Variants in ELF2 observed in about 807,000 individuals in gnomAD.
The protein encoded by ELF2 is E74 like ETS transcription factor 2.
In ELF2, 11 loss-of-function variants were observed where a neutral mutation model predicts 54.8. That is an observed-to-expected ratio of 0.20 (90% CI 0.13 to 0.33). The LOEUF (loss-of-function observed/expected upper bound fraction) is 0.33. ELF2 is among the 10% of genes least tolerant of loss of function. The probability of loss-of-function intolerance (pLI) is 1.00; values close to 1 mark genes in which losing one functional copy is unlikely to be tolerated. For synonymous variants in ELF2, 203 were observed against 245.1 expected (o/e 0.83, Z 1.61); for missense variants, 513 against 703.0 (o/e 0.73, Z 3.06).
At chr4:139,072,172 G>A in intron 5 of ELF2, 133 bp from the exon 6 acceptor site, 1 of 799,730 alleles carries the variant, frequency 1.3e-6, no homozygotes, top group Admixed American at 3.4e-5. Context: ...TACTGAAGAA[G>A]TTAATTTGCT....
chr4:139,176,368 C>T (rs1451035801), intron 1 of ELF2, among the ~76,000 whole-genome samples: 2 of 150,220 alleles, frequency 1.3e-5, no homozygotes, highest in East Asian at 3.9e-4. Context: ...GGCGATAAGG[C>T]ACGACAGGGA....
chr4:139,171,726 C>A (rs1036754600), intron 1 of ELF2, among the ~76,000 whole-genome samples: 1 of 152,082 alleles, frequency 6.6e-6, no homozygotes, highest in African/African-American at 2.4e-5. Flanking sequence ...GATTCGAGAC[C>A]AGCCTGGGCA....
intron 4 of ELF2, among the ~76,000 whole-genome samples, chr4:139,099,619 T>C (rs1733662715): frequency 1.3e-5 from 2 of 152,272 alleles, no homozygotes; most frequent in South Asian, 2.1e-4. Context: ...TTGGATACCT[T>C]AGTCTGAATT....
chr4:139,118,531 C>G lies in ELF2; in HGVS notation c.238+6633G>C, dbSNP rs1735983152. ...GCAGCCAGATTATGAAGGATTACTT[C>G]TGGATGATTCTATGGGTCACTGAAT... is the stretch of plus-strand genomic sequence containing the variant. On this transcript the variant is annotated intron_variant, in intron 4 of 9. Transcript: ENST00000686138. Among the ~76,000 whole-genome samples the G allele has an allele frequency of 2.0e-5, 3 of 152,120 alleles. No individual in the cohort carries two copies. The South Asian group carries it at 6.2e-4, about 32-fold the overall frequency.
intron 1 of ELF2, among the ~76,000 whole-genome samples, chr4:139,146,197 G>T (rs1253150391): frequency 1.3e-5 from 2 of 152,154 alleles, no homozygotes; most frequent in Non-Finnish European, 2.9e-5. Flanking sequence ...CAAAGTCAAT[G>T]AACACAAATC....
chr4:139,090,361 G>A (rs1380490075), intron 4 of ELF2, among the ~76,000 whole-genome samples: 1 of 152,088 alleles, frequency 6.6e-6, no homozygotes, highest in East Asian at 1.9e-4. Flanking sequence ...TCTGCCATGT[G>A]TTGAGTAACA....
chr4:139,127,697 G>A (rs1015688063), intron 3 of ELF2, among the ~76,000 whole-genome samples: 1 of 152,056 alleles, frequency 6.6e-6, no homozygotes, highest in Non-Finnish European at 1.5e-5. Flanking sequence ...AAAATTCAGG[G>A]TTCATGCCTG....
chr4:139,105,888 C>T (rs747371266), intron 4 of ELF2, among the ~76,000 whole-genome samples: 7 of 152,116 alleles, frequency 4.6e-5, no homozygotes, highest in Non-Finnish European at 1.5e-5. Flanking sequence ...TAAAACCCTG[C>T]CTCAAAATAA....
intron 3 of ELF2, among the ~76,000 whole-genome samples, 156 bp from the exon 4 acceptor site, chr4:139,125,485 G>A (rs1332281561): frequency 6.6e-6 from 1 of 152,076 alleles, no homozygotes; most frequent in African/African-American, 2.4e-5. Flanking sequence ...GATGAAAAGG[G>A]CTAACTTTAA....
intron 1 of ELF2, among the ~76,000 whole-genome samples, chr4:139,170,805 T>C (rs980187935): frequency 6.6e-6 from 1 of 151,144 alleles, no homozygotes; most frequent in Non-Finnish European, 1.5e-5. Context: ...CAGTGCAGTG[T>C]TGCAATCTCA....
At chr4:139,131,656 A>C (rs1299537571) in intron 3 of ELF2, among the ~76,000 whole-genome samples, 1 of 152,202 alleles carries the variant, frequency 6.6e-6, no homozygotes, top group African/African-American at 2.4e-5. Context: ...GGCAGGCTTT[A>C]GGGAGGACTC....
chr4:139,120,308 C>T (rs1736183455), intron 4 of ELF2, among the ~76,000 whole-genome samples: 1 of 152,216 alleles, frequency 6.6e-6, no homozygotes, highest in African/African-American at 2.4e-5. Flanking sequence ...CAAGCCCTTT[C>T]TGTTCCTGTT....
chr4:139,110,298 C>T (rs1446439476), intron 4 of ELF2, among the ~76,000 whole-genome samples: 1 of 152,150 alleles, frequency 6.6e-6, no homozygotes. Flanking sequence ...GATGGGCTTA[C>T]GTCACATTTT....
chr4:139,058,876 T>A lies in ELF2; in HGVS notation c.*107A>T. 2 of 1,454,198 alleles carry A rather than the reference T, an allele frequency of 1.4e-6. No individual in the cohort carries two copies. The allele number at this position is 1,454,198 out of a possible 1,614,324, so 90.1% of individuals were successfully genotyped here. On this transcript the variant is annotated 3_prime_UTR_variant, in exon 10 of 10. Coordinates refer to ENST00000686138, the MANE Select transcript of ELF2 (RefSeq NM_001331036.3). ...AAGTCTGATTGTTTTTGTATATGCA[T>A]TAAAAATGTTTTAAAGTCTTCTTTG...
At chr4:139,153,555 C>T (rs950488057) in intron 1 of ELF2, among the ~76,000 whole-genome samples, 2 of 152,148 alleles carry the variant, frequency 1.3e-5, no homozygotes, top group Admixed American at 6.5e-5. Flanking sequence ...AACTGCCTCC[C>T]ACTTTGTTCC....
intron 1 of ELF2, among the ~76,000 whole-genome samples, chr4:139,140,473 G>A (rs781666905): frequency 6.6e-6 from 1 of 152,150 alleles, no homozygotes; most frequent in African/African-American, 2.4e-5. Context: ...AGAAAAGTTG[G>A]CTGGGCAAGG....
intron 1 of ELF2, among the ~76,000 whole-genome samples, chr4:139,148,780 G>A (rs919913705): frequency 1.3e-5 from 2 of 151,862 alleles, no homozygotes; most frequent in East Asian, 1.9e-4. Flanking sequence ...CACAGTAACT[G>A]TATGTTTAAC....
rs7698191 is a variant in ELF2 at position 139,153,813 on chromosome 4, C to T, written c.-251-14316G>A. Among the ~76,000 whole-genome samples, 373 of 152,326 alleles carry T rather than the reference C, an allele frequency of 2.4e-3. 1 individual carries two copies. The highest frequency in any genetic ancestry group is 7.8e-3 in the African/African-American group (326 of 41,578). ...TGACTGATTCCTCTGTTTACTTTAT[C>T]TTATGTAAAATGCAGATTCATAGAG... On this transcript the variant is annotated intron_variant, in intron 1 of 9. Coordinates refer to ENST00000686138, the MANE Select transcript of ELF2 (RefSeq NM_001331036.3).
At chr4:139,107,813 G>T (rs1379629844) in intron 4 of ELF2, among the ~76,000 whole-genome samples, 1 of 152,140 alleles carries the variant, frequency 6.6e-6, no homozygotes, top group Non-Finnish European at 1.5e-5. Flanking sequence ...ACAAGTATGG[G>T]ATAGCACCAC....
Sources: allele counts gnomAD v4.1 joint callset (sites outside exome capture counted in the v4.1 genomes callset), GRCh38; gene constraint gnomAD v4.1.1; transcripts MANE v1.5; gene names NCBI Gene and HGNC (gene_info 2026-07-23, HGNC 2026-07-21).